LRRC49: variants seen among roughly 807,000 people sequenced by gnomAD.
The protein encoded by LRRC49 is leucine-rich repeat-containing protein 49.
LRRC49 carries 50 observed loss-of-function variants against 83.3 expected under a neutral mutation model. That is an observed-to-expected ratio of 0.60 (90% CI 0.48 to 0.76). LRRC49 has a LOEUF of 0.76. Among genes scored for constraint, LRRC49 ranks in the 30% least tolerant of loss-of-function variants. The probability of loss-of-function intolerance (pLI) is 0.00; values close to 1 mark genes in which losing one functional copy is unlikely to be tolerated. For missense variants in LRRC49, 704 were observed against 809.1 expected (o/e 0.87, Z 1.58); for synonymous variants, 286 against 283.3 (o/e 1.01, Z -0.10).
At chr15:70,907,878 T>C (rs545827116) in intron 5 of LRRC49, 25 of 431,480 alleles carry the variant, frequency 5.8e-5, no homozygotes, top group Non-Finnish European at 7.6e-5. Flanking sequence ...ATGGTCAAAT[T>C]TGGGGGCACT....
At chr15:70,997,248 T>C (rs1241297478) in intron 11 of LRRC49, among the ~76,000 whole-genome samples, 1 of 152,214 alleles carries the variant, frequency 6.6e-6, no homozygotes, top group Non-Finnish European at 1.5e-5. Flanking sequence ...TTGTTGTACC[T>C]TCCTTATGGA....
chr15:70,888,495 A>C (rs1355131262), upstream of LRRC49, among the ~76,000 whole-genome samples: 3 of 152,192 alleles, frequency 2.0e-5, no homozygotes, highest in Admixed American at 6.5e-5. Flanking sequence ...ATCCTACCTC[A>C]CACCAAACAC....
intron 14 of LRRC49, among the ~76,000 whole-genome samples, chr15:71,036,536 C>T (rs1250968012): frequency 6.6e-6 from 1 of 152,126 alleles, no homozygotes; most frequent in Non-Finnish European, 1.5e-5. Flanking sequence ...ACCAAAAATC[C>T]ACCTTCATGG....
intron 11 of LRRC49, among the ~76,000 whole-genome samples, chr15:70,993,391 G>C (rs1180535747): frequency 6.6e-6 from 1 of 152,112 alleles, no homozygotes; most frequent in African/African-American, 2.4e-5. Flanking sequence ...TCACTGTCCT[G>C]CACCCACTGT....
intron 8 of LRRC49, among the ~76,000 whole-genome samples, chr15:70,942,947 G>A (rs1184644103): frequency 6.6e-6 from 1 of 152,114 alleles, no homozygotes; most frequent in African/African-American, 2.4e-5. Context: ...CTGTTTTAAA[G>A]TTCTTATCTA....
At chr15:70,886,724 G>T (rs2033417630) in intron 2 of LRRC49, among the ~76,000 whole-genome samples, 1 of 152,100 alleles carries the variant, frequency 6.6e-6, no homozygotes, top group African/African-American at 2.4e-5. Context: ...AAATTAGCTG[G>T]GTGCGGTGGC....
intron 1 of LRRC49, among the ~76,000 whole-genome samples, chr15:70,857,186 G>C (rs2032674612): frequency 6.6e-6 from 1 of 152,214 alleles, no homozygotes; most frequent in South Asian, 2.1e-4. Flanking sequence ...AGGATGGACT[G>C]AGATTAGGTT....
intron 3 of LRRC49, among the ~76,000 whole-genome samples, chr15:70,896,938 GAA>G (rs1201481866): frequency 6.6e-6 from 1 of 152,108 alleles, no homozygotes; most frequent in Admixed American, 6.5e-5. Flanking sequence ...CCACAGTGTG[GAA>G]AACATCTGTC....
At chr15:70,929,797 A>G (rs1353586721) in intron 7 of LRRC49, among the ~76,000 whole-genome samples, 1 of 152,206 alleles carries the variant, frequency 6.6e-6, no homozygotes, top group Non-Finnish European at 1.5e-5. Flanking sequence ...TTCCATCTTA[A>G]GAAACTATTT....
intron 6 of LRRC49, among the ~76,000 whole-genome samples, chr15:70,912,928 C>T (rs1377283019): frequency 6.6e-5 from 10 of 152,232 alleles, no homozygotes; most frequent in African/African-American, 2.2e-4. Flanking sequence ...CCACCTGCCT[C>T]GGCCTCCCAA....
intron 7 of LRRC49, among the ~76,000 whole-genome samples, chr15:70,930,014 A>G (rs2035348603): frequency 6.6e-6 from 1 of 152,130 alleles, no homozygotes; most frequent in South Asian, 2.1e-4. Flanking sequence ...ACTCCTGTTA[A>G]TGTTGATATT....
rs965409697 is a variant in LRRC49, at chr15:71,049,850, T to C, written c.*238T>C. On this transcript the variant is annotated 3_prime_UTR_variant, in exon 16 of 16. Coordinates refer to ENST00000260382, the MANE Select transcript of LRRC49 (RefSeq NM_017691.5). Reference sequence around the variant, plus strand: ...CAAACAACCTTTGGGAACTAAACAGTTTTCAGAGATGGCGTGGCACTGCAT... The same window carrying C: ...CAAACAACCTTTGGGAACTAAACAGCTTTCAGAGATGGCGTGGCACTGCAT... 4 of 416,616 alleles carry C rather than the reference T, an allele frequency of 9.6e-6. No homozygotes were observed. Among genetic ancestry groups the C allele is most frequent in the African/African-American group, 8.2e-5 (4 of 48,716 alleles). The allele number at this position is 416,616 out of a possible 1,614,324, so 25.8% of individuals were successfully genotyped here.
intron 11 of LRRC49, among the ~76,000 whole-genome samples, chr15:71,001,241 C>A (rs947766496): frequency 6.6e-6 from 1 of 152,112 alleles, no homozygotes; most frequent in African/African-American, 2.4e-5. Flanking sequence ...TAGGAATAAT[C>A]AGTTACCCTA....
rs1256409110 is a variant in LRRC49, at chr15:70,980,192, C to G, written c.1005+8C>G. 1 of 1,598,134 alleles carries G rather than the reference C, an allele frequency of 6.3e-7. No individual in the cohort carries two copies. The highest frequency in any genetic ancestry group is 1.3e-5 in the African/African-American group (1 of 74,636). On this transcript the variant is annotated splice_region_variant and intron_variant, in intron 10 of 15. Transcript: ENST00000260382. The stretch of plus-strand genomic sequence containing the variant: ...AAACAATCTTTGCTTAAGGTATTTT[C>G]TCTGATGTCTACATGGATGTGTGTG...
At chr15:71,000,917 C>T (rs556126317) in intron 11 of LRRC49, among the ~76,000 whole-genome samples, 60 of 152,060 alleles carry the variant, frequency 3.9e-4, no homozygotes, top group African/African-American at 8.2e-4. Flanking sequence ...TAGAGTTCTT[C>T]GGATTTTGGT....
chr15:70,855,006 ATGTGACCCAGAAAC>A (rs759185888), intron 1 of LRRC49, among the ~76,000 whole-genome samples: 2 of 152,142 alleles, frequency 1.3e-5, no homozygotes, highest in Non-Finnish European at 2.9e-5. Flanking sequence ...ACCTCTCCAA[ATGTGACCCAGAAAC>A]TAGGGACAGG....
Position 71,050,041 on chromosome 15 carries a change from A to G in LRRC49, c.*429A>G, listed in dbSNP as rs2039972590. On this transcript the variant is annotated 3_prime_UTR_variant, in exon 16 of 16. Coordinates refer to ENST00000260382, the MANE Select transcript of LRRC49 (RefSeq NM_017691.5). ...AAGCCAAAAATATGTTCTTTTTATG[A>G]GTGAAGAATAAACTTACTAACAAAT... 6.4e-6 allele frequency: 1 copy of G among 156,178 alleles called. No individual in the cohort carries two copies. Among genetic ancestry groups the G allele is most frequent in the African/African-American group, 2.4e-5 (1 of 41,506 alleles). The allele number at this position is 156,178 out of a possible 1,614,324, so 9.7% of individuals were successfully genotyped here.
Position 70,947,094 on chromosome 15 carries a change from T to G in LRRC49, c.773+10272T>G, listed in dbSNP as rs1382762269. On this transcript the variant is annotated intron_variant, in intron 8 of 15. Coordinates refer to ENST00000260382, the MANE Select transcript of LRRC49 (RefSeq NM_017691.5). ...TTTTTGGGGCTTGCTTTTTGGCATT[T>G]CATGGGTATTGGCTTGTTATTCTTC... Among the ~76,000 whole-genome samples the G allele has an allele frequency of 2.0e-5, 3 of 152,176 alleles. No homozygotes were observed. In the East Asian group the frequency reaches 5.8e-4, roughly 29 times the overall value.
rs866665186 is a variant in LRRC49 at position 71,012,239 on chromosome 15, G to A, written c.1594-565G>A. On this transcript the variant is annotated intron_variant, in intron 13 of 15. Coordinates refer to ENST00000260382, the MANE Select transcript of LRRC49 (RefSeq NM_017691.5). ...AGCTTTTAGTACTTTCTTGGTTAAT[G>A]TAAGAATGGGTCCTCATAGGGTATA... Among the ~76,000 whole-genome samples, 12 of 152,252 alleles carry A rather than the reference G, an allele frequency of 7.9e-5. No homozygotes were observed. In the South Asian group the frequency reaches 2.3e-3, roughly 29 times the overall value.
Sources: allele counts gnomAD v4.1 joint callset (sites outside exome capture counted in the v4.1 genomes callset), GRCh38; gene constraint gnomAD v4.1.1; transcripts MANE v1.5; gene names NCBI Gene and HGNC (gene_info 2026-07-23, HGNC 2026-07-21).